BRINP3: variants seen among roughly 807,000 people sequenced by gnomAD.
The protein encoded by BRINP3 is BMP/retinoic acid-inducible neural-specific protein 3.
In BRINP3, 19 loss-of-function variants were observed where a neutral mutation model predicts 71.0. The ratio of observed to expected loss-of-function variants is 0.27; its 90% CI spans 0.19 to 0.39. BRINP3 has a LOEUF of 0.39. Ranked by LOEUF, BRINP3 falls within the 10% of genes least tolerant of loss-of-function variation. The probability of loss-of-function intolerance (pLI) is 1.00; values close to 1 mark genes in which losing one functional copy is unlikely to be tolerated. For synonymous variants in BRINP3, 380 were observed against 337.7 expected (o/e 1.13, Z -1.37); for missense variants, 959 against 940.8 (o/e 1.02, Z -0.25).
chr1:190,329,332 C>G (rs1666812246), intron 2 of BRINP3, among the ~76,000 whole-genome samples: 1 of 151,900 alleles, frequency 6.6e-6, no homozygotes, highest in Non-Finnish European at 1.5e-5. Context: ...TTCAGTAAAG[C>G]TTTAGGATAT....
chr1:190,142,513 G>A (rs991138159), intron 7 of BRINP3, among the ~76,000 whole-genome samples: 25 of 152,070 alleles, frequency 1.6e-4, no homozygotes, highest in African/African-American at 5.3e-4. Context: ...ATTTTAATAC[G>A]TGTGTATTGA....
At chr1:190,415,642 G>A (rs1672962517) in intron 2 of BRINP3, among the ~76,000 whole-genome samples, 3 of 152,130 alleles carry the variant, frequency 2.0e-5, no homozygotes, top group African/African-American at 4.8e-5. Context: ...AGTGGCTCCT[G>A]TCTGTAAACT....
At chr1:190,137,313 G>T (rs984562490) in intron 7 of BRINP3, among the ~76,000 whole-genome samples, 33 of 151,850 alleles carry the variant, frequency 2.2e-4, no homozygotes, top group African/African-American at 7.5e-4. Flanking sequence ...TTTTGGAAAA[G>T]AAATACTCTG....
Position 190,206,319 on chromosome 1 carries a change from C to CTAAATAAA in BRINP3, c.961+19755_961+19762dup, listed in dbSNP as rs1025445259. Among the ~76,000 whole-genome samples, 664 of 151,574 alleles carry CTAAATAAA rather than the reference C, an allele frequency of 4.4e-3. 4 individuals are homozygous for CTAAATAAA. Among genetic ancestry groups the CTAAATAAA allele is most frequent in the African/African-American group, 0.014 (578 of 41,306 alleles). On this transcript the variant is annotated intron_variant, in intron 6 of 7. Transcript: ENST00000367462. The stretch of plus-strand genomic sequence containing the variant: ...ACAGGTTTCTATTTGTCCTATTCTG[C>CTAAATAAA]TAAATAAATAAATAAATAAATAAAT...
chr1:190,441,488 C>T (rs1674815424), intron 2 of BRINP3, among the ~76,000 whole-genome samples: 1 of 151,920 alleles, frequency 6.6e-6, no homozygotes, highest in Non-Finnish European at 1.5e-5. Flanking sequence ...TGAACCTGTA[C>T]AAAAAGTTGA....
intron 2 of BRINP3, among the ~76,000 whole-genome samples, chr1:190,336,418 G>C (rs928968424): frequency 6.6e-6 from 1 of 151,926 alleles, no homozygotes; most frequent in Non-Finnish European, 1.5e-5. Context: ...CTAGAAGAAA[G>C]CCATATAGAT....
intron 6 of BRINP3, among the ~76,000 whole-genome samples, chr1:190,211,926 A>G (rs1321710995): frequency 1.3e-5 from 2 of 152,128 alleles, no homozygotes; most frequent in African/African-American, 2.4e-5. Flanking sequence ...CAATCAAAAC[A>G]AATAGCAGCA....
intron 2 of BRINP3, among the ~76,000 whole-genome samples, chr1:190,449,269 T>C (rs1160511933): frequency 6.6e-6 from 1 of 151,944 alleles, no homozygotes; most frequent in African/African-American, 2.4e-5. Flanking sequence ...CCTTTTTATT[T>C]TCACCCTATT....
intron 5 of BRINP3, among the ~76,000 whole-genome samples, chr1:190,232,556 C>T (rs1658095140): frequency 6.6e-6 from 1 of 151,238 alleles, no homozygotes; most frequent in Non-Finnish European, 1.5e-5. Context: ...ACATGGAAAA[C>T]AGAAAAAAAG....
intron 1 of BRINP3, among the ~76,000 whole-genome samples, chr1:190,460,738 T>G (rs1676335564): frequency 6.6e-6 from 1 of 152,186 alleles, no homozygotes; most frequent in Non-Finnish European, 1.5e-5. Flanking sequence ...AACTAAACGT[T>G]CTCCAAACTT....
At chr1:190,469,005 T>G (rs1246147970) in intron 1 of BRINP3, among the ~76,000 whole-genome samples, 3 of 150,974 alleles carry the variant, frequency 2.0e-5, no homozygotes, top group African/African-American at 2.4e-5. Context: ...CTGCTGAAAC[T>G]TTGAATAAGT....
chr1:190,348,298 T>G (rs1668154613), intron 2 of BRINP3, among the ~76,000 whole-genome samples: 1 of 152,176 alleles, frequency 6.6e-6, no homozygotes, highest in African/African-American at 2.4e-5. Context: ...TTGGGCCATT[T>G]GCTTTGAACT....
chr1:190,400,685 C>G (rs1671863952), intron 2 of BRINP3, among the ~76,000 whole-genome samples: 1 of 152,112 alleles, frequency 6.6e-6, no homozygotes, highest in South Asian at 2.1e-4. Flanking sequence ...ATCTCCATAA[C>G]AAAACACTAA....
intron 2 of BRINP3, among the ~76,000 whole-genome samples, chr1:190,433,731 A>G (rs1674261412): frequency 6.6e-6 from 1 of 152,134 alleles, no homozygotes; most frequent in Admixed American, 6.5e-5. Flanking sequence ...AATTTTCTGA[A>G]AAGTAGAAAT....
chr1:190,185,403 A>C lies in BRINP3; in HGVS notation c.962-24513T>G, dbSNP rs139293836. Among the ~76,000 whole-genome samples, 8 of 152,248 alleles carry C rather than the reference A, an allele frequency of 5.3e-5. No individual in the cohort carries two copies. The East Asian group carries it at 1.5e-3, about 29-fold the overall frequency. On this transcript the variant is annotated intron_variant, in intron 6 of 7. Coordinates refer to ENST00000367462, the MANE Select transcript of BRINP3 (RefSeq NM_199051.3). ...CAAATCAAAACCACAATGAGATAAC[A>C]TTTCACATCTCTCAGGATAGCTATT...
intron 7 of BRINP3, among the ~76,000 whole-genome samples, chr1:190,137,407 G>A (rs962436770): frequency 6.6e-6 from 1 of 151,088 alleles, no homozygotes; most frequent in Non-Finnish European, 1.5e-5. Flanking sequence ...ATATTCTCTC[G>A]GGTGAGAATT....
At chr1:190,189,718 G>T (rs999664212) in intron 6 of BRINP3, among the ~76,000 whole-genome samples, 2 of 151,582 alleles carry the variant, frequency 1.3e-5, no homozygotes, top group African/African-American at 4.9e-5. Flanking sequence ...GCTTAAAAGA[G>T]TTATTTTGAA....
intron 2 of BRINP3, among the ~76,000 whole-genome samples, chr1:190,319,844 C>T (rs1666120547): frequency 6.6e-6 from 1 of 152,090 alleles, no homozygotes; most frequent in African/African-American, 2.4e-5. Context: ...GACAAAGATC[C>T]AAATCCTATC....
At chr1:190,272,501 C>G (rs893173881) in intron 3 of BRINP3, among the ~76,000 whole-genome samples, 3 of 151,444 alleles carry the variant, frequency 2.0e-5, no homozygotes, top group Admixed American at 2.0e-4. Flanking sequence ...TATAATCCCT[C>G]TACAGTACCT....
Sources: gnomAD v4.1 joint callset for allele counts (sites outside exome capture counted in the v4.1 genomes callset) on GRCh38, gnomAD v4.1.1 for gene constraint, MANE v1.5 for transcripts, NCBI Gene and HGNC (gene_info 2026-07-23, HGNC 2026-07-21) for gene names.